Variants in UFSP2 observed in about 807,000 individuals in gnomAD.
The protein encoded by UFSP2 is UFM1 specific peptidase 2, also known as ufm1-specific protease 2.
Under a neutral mutation model 60.2 loss-of-function variants are expected in UFSP2, and 43 were observed. That is an observed-to-expected ratio of 0.71 (90% confidence interval 0.56 to 0.92). The LOEUF (loss-of-function observed/expected upper bound fraction) is 0.92, where lower values mean the gene tolerates loss of function less well. Among genes scored for constraint, UFSP2 ranks in the 40% least tolerant of loss-of-function variants. The pLI, the probability that UFSP2 is intolerant of heterozygous loss-of-function variation, is 0.00. For missense variants in UFSP2, 520 were observed against 575.0 expected (o/e 0.90, Z 0.98); for synonymous variants, 183 against 195.1 (o/e 0.94, Z 0.52).
At chr4:185,415,624 C>T in intron 5 of UFSP2, 86 bp downstream of exon 5, 1 of 1,200,756 alleles carries the variant, frequency 8.3e-7, no homozygotes, top group Non-Finnish European at 1.2e-6. Context: ...AAAATCACAC[C>T]TTAGGTATAC....
At chr4:185,402,216 A>G (rs1422018344) in intron 11 of UFSP2, 1 of 437,692 alleles carries the variant, frequency 2.3e-6, no homozygotes, top group African/African-American at 2.1e-5. Flanking sequence ...AGTGCCTGGC[A>G]CTTGTTAGGT....
At chr4:185,403,384 A>G in intron 11 of UFSP2, 110 bp downstream of exon 11, 15 of 1,398,660 alleles carry the variant, frequency 1.1e-5, no homozygotes, top group Non-Finnish European at 1.5e-5. Context: ...GCCTCCACAC[A>G]GGGAGATCTC....
chr4:185,418,069 A>ACACACACACACACAC (rs1422329406), intron 4 of UFSP2, among the ~76,000 whole-genome samples: 9 of 22,780 alleles, frequency 4.0e-4, no homozygotes, highest in South Asian at 9.5e-4. Flanking sequence ...CACACACACA[A>ACACACACACACACAC]ACAACAGAAC....
At chr4:185,418,372 G>C in intron 4 of UFSP2, 69 bp downstream of exon 4, 1 of 1,193,144 alleles carries the variant, frequency 8.4e-7, no homozygotes, top group Non-Finnish European at 1.2e-6. Flanking sequence ...TTATTTCTAA[G>C]ATTGCACTCA....
intron 9 of UFSP2, among the ~76,000 whole-genome samples, chr4:185,406,822 C>T (rs889767521): frequency 8.5e-5 from 13 of 152,072 alleles, no homozygotes; most frequent in Non-Finnish European, 1.6e-4. Flanking sequence ...GTGATCCACC[C>T]ACCTTGGCCT....
intron 2 of UFSP2, among the ~76,000 whole-genome samples, chr4:185,422,277 T>C (rs1464462053): frequency 6.6e-6 from 1 of 152,240 alleles, no homozygotes; most frequent in Non-Finnish European, 1.5e-5. Flanking sequence ...AAAGGGAACA[T>C]CTTTTTCTAA....
At position 185,399,703 on chromosome 4, in the gene UFSP2, TGTGTTG is replaced by T; in HGVS notation, c.*683_*688del. 1 of 1,614,128 alleles carries T rather than the reference TGTGTTG, an allele frequency of 6.2e-7. No homozygotes were observed. The highest frequency in any genetic ancestry group is 8.5e-7 in the Non-Finnish European group (1 of 1,180,006). On this transcript the variant is annotated 3_prime_UTR_variant, in exon 12 of 12. Coordinates refer to ENST00000264689, the MANE Select transcript of UFSP2 (RefSeq NM_018359.5). ...AAGTGAACACCCTGACAGGAATGAT[TGTGTTG>T]CCGTGCTCAGACAGAAACGGAGTCT...
chr4:185,425,267 G>A (rs2095557479), intron 1 of UFSP2, among the ~76,000 whole-genome samples: 1 of 152,112 alleles, frequency 6.6e-6, no homozygotes, highest in African/African-American at 2.4e-5. Context: ...GCAGGTGTGG[G>A]CTGTGGGGAA....
intron 11 of UFSP2, among the ~76,000 whole-genome samples, chr4:185,401,945 G>C (rs2095513750): frequency 6.6e-6 from 1 of 152,146 alleles, no homozygotes. Flanking sequence ...GAAATGCCTG[G>C]TTCACAAAGA....
chr4:185,408,280 TTC>T lies in UFSP2; in HGVS notation c.985_986del (p.Glu329AsnfsTer26). On this transcript the variant is annotated frameshift_variant, in exon 8 of 12. Transcript: ENST00000264689. LOFTEE classifies it high-confidence loss of function. ...YTERSIPTHR[E>X]IQQALVDAGD... ...ACGGTATGTTCTGTACCTGCTGAATTTCTCTGTGTGTTGGAATGGACCTCTCT... is the reference window on the plus strand; with the variant it reads ...ACGGTATGTTCTGTACCTGCTGAATTTCTGTGTGTTGGAATGGACCTCTCT... 6.2e-7 allele frequency: 1 copy of T among 1,614,112 alleles called. No homozygotes were observed. Among genetic ancestry groups the T allele is most frequent in the South Asian group, 1.1e-5 (1 of 91,078 alleles).
chr4:185,422,279 T>C (rs1431868581), intron 2 of UFSP2, among the ~76,000 whole-genome samples: 2 of 152,230 alleles, frequency 1.3e-5, no homozygotes, highest in Non-Finnish European at 2.9e-5. Context: ...AGGGAACATC[T>C]TTTTCTAATT....
At chr4:185,400,861 C>T (rs1053738565) in intron 11 of UFSP2, among the ~76,000 whole-genome samples, 3 of 152,214 alleles carry the variant, frequency 2.0e-5, no homozygotes, top group Non-Finnish European at 4.4e-5. Flanking sequence ...CATTCAGTGG[C>T]ATCTTAGGAT....
At chr4:185,408,236 C>T (rs1160413284) in intron 8 of UFSP2, 35 bp downstream of exon 8, 7 of 1,602,796 alleles carry the variant, frequency 4.4e-6, no homozygotes, top group Middle Eastern at 1.7e-4. Flanking sequence ...ATGAAACATA[C>T]AGTTGATTAT....
chr4:185,422,549 A>G lies in UFSP2; in HGVS notation c.18T>C (p.Ser6=). MVISE[S]MDILFRIRGG... Reference sequence around the variant, plus strand: ...CTCTTATTCTGAAGAGTATATCCATACTTTCTGAAATCACCTAGAACAAAT... The same window carrying G: ...CTCTTATTCTGAAGAGTATATCCATGCTTTCTGAAATCACCTAGAACAAAT... The change falls in exon 2 of 12, where the codon AGT becomes AGC. Residue 6 remains serine, a synonymous_variant. Coordinates refer to ENST00000264689, the MANE Select transcript of UFSP2 (RefSeq NM_018359.5). 6.2e-7 allele frequency: 1 copy of G among 1,607,168 alleles called. No individual in the cohort carries two copies. The highest frequency in any genetic ancestry group is 8.5e-7 in the Non-Finnish European group (1 of 1,177,858).
intron 9 of UFSP2, chr4:185,406,118 AAGG>A (rs1483493443): frequency 5.8e-6 from 3 of 520,382 alleles, no homozygotes; most frequent in Non-Finnish European, 9.7e-6. Context: ...GAACTGTATA[AAGG>A]AGGCCTGGGT....
At chr4:185,414,552 G>T (rs10029981) in intron 6 of UFSP2, among the ~76,000 whole-genome samples, 137,059 of 152,166 alleles carry the variant, frequency 0.9, 61,842 homozygotes, top group East Asian at 0.99. Context: ...GGGTATTCTC[G>T]CTCTCCCTAA....
intron 10 of UFSP2, among the ~76,000 whole-genome samples, chr4:185,404,276 AGCAC>A (rs2095517286): frequency 6.7e-6 from 1 of 148,602 alleles, no homozygotes; most frequent in Non-Finnish European, 1.5e-5. Flanking sequence ...CCAGTGATAT[AGCAC>A]TCCATTCATT....
chr4:185,408,391 C>T lies in UFSP2; in HGVS notation c.876G>A (p.Gln292=), dbSNP rs201688336. ...QGIYGYHHYM[Q]DRIDDNGWGC... ...CCCAGCCATTGTCATCTATGCGATC[C>T]TGCATATAATGATGATAGCCATATA... The change falls in exon 8 of 12, where the codon CAG becomes CAA. Residue 292 remains glutamine (Q), a synonymous_variant. Transcript: ENST00000264689. 4.1e-5 allele frequency: 66 copies of T among 1,614,072 alleles called. No individual in the cohort carries two copies. The highest frequency in any genetic ancestry group is 5.6e-5 in the Non-Finnish European group (66 of 1,180,022).
chr4:185,415,215 A>AG lies in UFSP2; in HGVS notation c.623_624insC (p.Leu209SerfsTer19). ...CTGAAGGATATGAAATTGTTACAAG[A>AG]TTTTTTTTCCCTGGTAATAAAAAGT... On this transcript the variant is annotated frameshift_variant, in exon 6 of 12. Coordinates refer to ENST00000264689, the MANE Select transcript of UFSP2 (RefSeq NM_018359.5). LOFTEE classifies it high-confidence loss of function. 1.2e-6 allele frequency: 2 copies of AG among 1,607,080 alleles called. No homozygotes were observed. The highest frequency in any genetic ancestry group is 2.7e-5 in the African/African-American group (2 of 74,630).
Sources: allele counts gnomAD v4.1 joint callset (sites outside exome capture counted in the v4.1 genomes callset), GRCh38; gene constraint gnomAD v4.1.1; transcripts MANE v1.5; gene names NCBI Gene and HGNC (gene_info 2026-07-23, HGNC 2026-07-21).